Variants in CAMKK2 observed in about 807,000 individuals in gnomAD.
CAMKK2 encodes calcium/calmodulin-dependent protein kinase kinase 2.
Under a neutral mutation model 67.2 loss-of-function variants are expected in CAMKK2, and 30 were observed. The observed-to-expected ratio is 0.45, with a 90% CI of 0.33 to 0.61. The LOEUF (loss-of-function observed/expected upper bound fraction) is 0.61, where lower values mean the gene tolerates loss of function less well. Among genes scored for constraint, CAMKK2 ranks in the 20% least tolerant of loss-of-function variants. The pLI, the probability that CAMKK2 is intolerant of heterozygous loss-of-function variation, is 0.02. For missense variants in CAMKK2, 643 were observed against 802.0 expected (o/e 0.80, Z 2.39); for synonymous variants, 322 against 326.2 (o/e 0.99, Z 0.14).
intron 15 of CAMKK2, among the ~76,000 whole-genome samples, 197 bp from the exon 16 acceptor site, chr12:121,244,812 G>A (rs554862184): frequency 1.3e-5 from 2 of 152,294 alleles, no homozygotes; most frequent in East Asian, 1.9e-4. Context: ...CACACTGCTC[G>A]CCCAGCACAG....
intron 1 of CAMKK2, 23 bp from the exon 2 acceptor site, chr12:121,274,608 C>G: frequency 1.0e-6 from 1 of 955,368 alleles, no homozygotes; most frequent in Non-Finnish European, 1.5e-6. Context: ...AAAGGGTCAG[C>G]TGGCCCAGCT....
chr12:121,270,206 C>T lies in CAMKK2; in HGVS notation c.520-625G>A, dbSNP rs544089924. 2.0e-5 allele frequency among the ~76,000 whole-genome samples: 3 copies of T among 152,010 alleles called. No homozygotes were observed. The South Asian group carries it at 6.2e-4, about 32-fold the overall frequency. On this transcript the variant is annotated intron_variant, in intron 3 of 16. Coordinates refer to ENST00000404169, the MANE Select transcript of CAMKK2 (RefSeq NM_001270485.2). ...GCAACATAGTGAAACCCTGTCTCTA[C>T]AAAAATTACAAAAATTAGCCAGGTG...
At chr12:121,287,814 A>G (rs10849865) in intron 1 of CAMKK2, among the ~76,000 whole-genome samples, 41,822 of 151,738 alleles carry the variant, frequency 0.28, 6,291 homozygotes, top group African/African-American at 0.4. Context: ...ACACAAAAAA[A>G]TGTTTACATT....
intron 1 of CAMKK2, among the ~76,000 whole-genome samples, chr12:121,288,741 T>C (rs949358850): frequency 6.6e-6 from 1 of 152,040 alleles, no homozygotes; most frequent in South Asian, 2.1e-4. Context: ...CCACCCCCCT[T>C]TCCTCCGAGG....
chr12:121,244,052 A>G (rs200491578), intron 16 of CAMKK2: 612 of 1,595,270 alleles, frequency 3.8e-4, no homozygotes, highest in Middle Eastern at 1.7e-3. Context: ...GCTGACAGCA[A>G]GAAGGTCTGC....
chr12:121,272,489 C>G (rs575349549), intron 2 of CAMKK2, among the ~76,000 whole-genome samples: 1 of 152,216 alleles, frequency 6.6e-6, no homozygotes. Context: ...CTCCTCTCAA[C>G]TCTCCAGGGC....
chr12:121,280,546 C>A (rs1897580707), intron 1 of CAMKK2, among the ~76,000 whole-genome samples: 1 of 152,188 alleles, frequency 6.6e-6, no homozygotes, highest in Non-Finnish European at 1.5e-5. Flanking sequence ...CCGGGCAGAA[C>A]AGAGCCATAT....
chr12:121,277,845 T>G (rs965269823), intron 1 of CAMKK2, among the ~76,000 whole-genome samples: 1 of 152,146 alleles, frequency 6.6e-6, no homozygotes, highest in African/African-American at 2.4e-5. Flanking sequence ...TGGGCACCTG[T>G]CATCCCAGCT....
At chr12:121,254,319 A>AT (rs1206896170) in intron 9 of CAMKK2, among the ~76,000 whole-genome samples, 2 of 152,058 alleles carry the variant, frequency 1.3e-5, no homozygotes, top group Non-Finnish European at 2.9e-5. Flanking sequence ...TTAGCCGGGC[A>AT]TGGTGGCGTA....
rs199515518 is a variant in CAMKK2, at chr12:121,255,620, G to A, written c.837C>T (p.Pro279=). The part of the protein sequence containing the change: ...LVNQGPVMEV[P]TLKPLSEDQA... ...GGTCTTCAGAGAGTGGTTTGAGGGT[G>A]GGCACTTCCATCACGGGCCTGAAAG... Residue 279 remains proline (P), a synonymous_variant, in exon 9 of 17, where the codon CCC becomes CCT. Transcript: ENST00000404169. The A allele has an allele frequency of 1.2e-4, 186 of 1,612,742 alleles. No homozygotes were observed. Among genetic ancestry groups the A allele is most frequent in the Non-Finnish European group, 1.5e-4 (174 of 1,179,682 alleles).
chr12:121,251,939 T>C (rs1466059080), intron 11 of CAMKK2, among the ~76,000 whole-genome samples: 1 of 152,030 alleles, frequency 6.6e-6, no homozygotes, highest in Non-Finnish European at 1.5e-5. Flanking sequence ...GGTAAACAGC[T>C]TTTAACTTCC....
chr12:121,242,355 G>A (rs202028036), intron 16 of CAMKK2, among the ~76,000 whole-genome samples: 1 of 131,172 alleles, frequency 7.6e-6, no homozygotes. Context: ...AAAAAAAAAA[G>A]AAAGAAAGAA....
rs146907436 is a variant in CAMKK2 at position 121,246,118 on chromosome 12, G to A, written c.1453-878C>T. On this transcript the variant is annotated intron_variant, in intron 14 of 16. Coordinates refer to ENST00000404169, the MANE Select transcript of CAMKK2 (RefSeq NM_001270485.2). ...GAATGGAGAGTCATTGCTGATGGGC[G>A]GGGGTGTGAAGTAATGAAAATGTTC... 8.5e-4 allele frequency among the ~76,000 whole-genome samples: 130 copies of A among 152,192 alleles called. 1 individual carries two copies. In the East Asian group the frequency reaches 0.021, roughly 25 times the overall value.
Position 121,253,343 on chromosome 12 carries a change from T to C in CAMKK2, c.1037A>G (p.Asn346Ser), listed in dbSNP as rs1194134776. 1.2e-6 allele frequency: 2 copies of C among 1,614,136 alleles called. No homozygotes were observed. The highest frequency in any genetic ancestry group is 2.7e-5 in the African/African-American group (2 of 75,030). Reference protein sequence around the residue: ...EFKGSDALLSNTVGTPAFMAP... With the variant: ...EFKGSDALLSSTVGTPAFMAP... ...CATGAAGGCGGGCGTGCCCACGGTG[T>C]TGGAGAGGAGCGCGTCACTGCCCTT... The change falls in exon 10 of 17, where the codon AAC (asparagine) becomes AGC (serine). Residue 346 changes from asparagine (N) to serine (S), a missense_variant. Transcript: ENST00000404169. The surrounding 1 kb of genome is among the most constrained non-coding windows in gnomAD (Gnocchi z 5.0).
intron 13 of CAMKK2, 105 bp from the exon 14 acceptor site, chr12:121,248,839 C>T (rs1890049930): frequency 7.2e-7 from 1 of 1,390,444 alleles, no homozygotes; most frequent in East Asian, 2.3e-5. Flanking sequence ...AGGCAAGGGC[C>T]TGTGGTCAGG....
intron 5 of CAMKK2, 110 bp downstream of exon 5, chr12:121,268,528 G>A (rs1895090407): frequency 9.7e-7 from 1 of 1,034,826 alleles, no homozygotes; most frequent in South Asian, 1.3e-5. Flanking sequence ...CCAAGTAGCT[G>A]GAACTACAGG....
intron 9 of CAMKK2, among the ~76,000 whole-genome samples, chr12:121,254,804 C>T (rs1305846834): frequency 6.6e-6 from 1 of 152,194 alleles, no homozygotes; most frequent in Non-Finnish European, 1.5e-5. Flanking sequence ...CCTGATTCTG[C>T]ATTTCACACA....
chr12:121,249,731 A>G (rs1890266685), intron 13 of CAMKK2, 56 bp downstream of exon 13: 1 of 1,423,808 alleles, frequency 7.0e-7, no homozygotes, highest in Non-Finnish European at 9.9e-7. Context: ...GGTCTGGCTG[A>G]GGCATGGCTG....
intron 7 of CAMKK2, among the ~76,000 whole-genome samples, chr12:121,256,696 C>T (rs1029419374): frequency 6.6e-6 from 1 of 152,120 alleles, no homozygotes; most frequent in African/African-American, 2.4e-5. Flanking sequence ...ATCATTAGCA[C>T]GTTTTTAAGG....
Sources: gnomAD v4.1 joint callset for allele counts (sites outside exome capture counted in the v4.1 genomes callset) on GRCh38, gnomAD v4.1.1 for gene constraint, Gnocchi (gnomAD v3.1) non-coding constraint, MANE v1.5 for transcripts, NCBI Gene and HGNC (gene_info 2026-07-23, HGNC 2026-07-21) for gene names.